ARID4B: variants seen among roughly 807,000 people sequenced by gnomAD.
The protein encoded by ARID4B is AT-rich interactive domain-containing protein 4B.
ARID4B carries 26 observed loss-of-function variants against 147.5 expected under a neutral mutation model. That is an observed-to-expected ratio of 0.18 (90% CI 0.13 to 0.24). The LOEUF is 0.24. Ranked by LOEUF, ARID4B falls within the 10% of genes least tolerant of loss-of-function variation. The pLI, the probability that ARID4B is intolerant of heterozygous loss-of-function variation, is 1.00. For synonymous variants in ARID4B, 512 were observed against 507.9 expected (o/e 1.01, Z -0.11); for missense variants, 1,179 against 1,511.5 (o/e 0.78, Z 3.65).
chr1:235,184,751 C>T (rs1050878154), intron 19 of ARID4B, among the ~76,000 whole-genome samples: 2 of 152,158 alleles, frequency 1.3e-5, no homozygotes, highest in African/African-American at 4.8e-5. Context: ...TGTTTTTCCA[C>T]CTCCAAAGTG....
At chr1:235,210,547 CTGAT>C (rs71902558) in intron 17 of ARID4B, among the ~76,000 whole-genome samples, 19,893 of 152,012 alleles carry the variant, frequency 0.13, 1,484 homozygotes, top group African/African-American at 0.2. Flanking sequence ...ATAAGACAGA[CTGAT>C]TATTGCAGAA....
chr1:235,260,754 T>C lies in ARID4B; in HGVS notation c.7-2A>G. 1 of 1,584,710 alleles carries C rather than the reference T, an allele frequency of 6.3e-7. No individual in the cohort carries two copies. The highest frequency in any genetic ancestry group is 8.6e-7 in the Non-Finnish European group (1 of 1,160,202). ...CAAATAGGGAGGCTCATCAAGGGCC[T>C]AAAAATGCAAAGAAATATAATTAGA... On this transcript the variant is annotated splice_acceptor_variant, in intron 2 of 23. Transcript: ENST00000264183. LOFTEE classifies it high-confidence loss of function.
At chr1:235,290,543 T>A (rs951710764) in intron 2 of ARID4B, among the ~76,000 whole-genome samples, 1 of 151,990 alleles carries the variant, frequency 6.6e-6, no homozygotes, top group Non-Finnish European at 1.5e-5. Flanking sequence ...AGTTACCTCA[T>A]CTCAGACCTG....
rs1672547065 is a variant in ARID4B at position 235,294,424 on chromosome 1, CG to C, written c.6+32489del. 4.0e-5 allele frequency among the ~76,000 whole-genome samples: 5 copies of C among 124,518 alleles called. No individual in the cohort carries two copies. In the East Asian group the frequency reaches 9.7e-4, roughly 24 times the overall value. The allele number at this position is 124,518 out of a possible 152,430, so 81.7% of individuals were successfully genotyped here. ...GCCTCCCGGGTTCAAGCAATTCTCC[CG>C]CTTGAACCCAGGGGTTCAAGCAATT... On this transcript the variant is annotated intron_variant, in intron 2 of 23. Coordinates refer to ENST00000264183, the MANE Select transcript of ARID4B (RefSeq NM_016374.6).
intron 2 of ARID4B, among the ~76,000 whole-genome samples, chr1:235,292,014 T>A (rs1163233875): frequency 6.6e-6 from 1 of 152,254 alleles, no homozygotes; most frequent in East Asian, 1.9e-4. Flanking sequence ...GGGTTTTTAC[T>A]ATATTCTTTT....
chr1:235,177,608 A>T, intron 21 of ARID4B, 192 bp downstream of exon 21: 1 of 484,872 alleles, frequency 2.1e-6, no homozygotes, highest in Non-Finnish European at 3.6e-6. Context: ...TATTTGTCCT[A>T]GTGCATGTTT....
chr1:235,269,088 T>C (rs1380589120), intron 2 of ARID4B, among the ~76,000 whole-genome samples: 1 of 152,212 alleles, frequency 6.6e-6, no homozygotes, highest in Admixed American at 6.5e-5. Flanking sequence ...CCACAGTAAA[T>C]TAATTATATC....
At chr1:235,282,257 T>C (rs1420872352) in intron 2 of ARID4B, among the ~76,000 whole-genome samples, 1 of 152,170 alleles carries the variant, frequency 6.6e-6, no homozygotes, top group Non-Finnish European at 1.5e-5. Context: ...GGATTCAAAG[T>C]TTTTACATGG....
At chr1:235,252,950 TAGTG>T (rs1669734731) in intron 5 of ARID4B, 141 bp from the exon 6 acceptor site, 4 of 583,640 alleles carry the variant, frequency 6.9e-6, no homozygotes, top group South Asian at 3.0e-5. Flanking sequence ...TTATGTTTTC[TAGTG>T]AGTAACTTCA....
chr1:235,167,703 CTG>C lies in ARID4B; in HGVS notation c.*820_*821del, dbSNP rs1663054207. ...TTTACAAGAAAACACAAAAATATAA[CTG>C]TTATAATTCATTATGAATAAATATA... is the stretch of plus-strand genomic sequence containing the variant. On this transcript the variant is annotated 3_prime_UTR_variant, in exon 24 of 24. Coordinates refer to ENST00000264183, the MANE Select transcript of ARID4B (RefSeq NM_016374.6). The C allele has an allele frequency of 3.0e-5, 6 of 200,230 alleles. No homozygotes were observed. The highest frequency in any genetic ancestry group is 1.9e-4 in the South Asian group (1 of 5,218). 12.4% of individuals were successfully genotyped at this position (200,230 alleles called of 1,614,324 possible). A position where few individuals can be genotyped will look rare whatever the true frequency, so the allele number is the denominator to read the frequency against.
At chr1:235,207,981 TGAA>T (rs1666435123) in intron 17 of ARID4B, among the ~76,000 whole-genome samples, 1 of 152,238 alleles carries the variant, frequency 6.6e-6, no homozygotes, top group African/African-American at 2.4e-5. Context: ...GTTTTACAAC[TGAA>T]GTTTTACAGT....
intron 2 of ARID4B, among the ~76,000 whole-genome samples, chr1:235,298,258 A>C (rs1436088868): frequency 6.6e-6 from 1 of 152,078 alleles, no homozygotes; most frequent in Admixed American, 6.6e-5. Flanking sequence ...ACATCAGTGA[A>C]CTTTATTTTT....
At chr1:235,277,913 T>C (rs1350585792) in intron 2 of ARID4B, among the ~76,000 whole-genome samples, 2 of 152,166 alleles carry the variant, frequency 1.3e-5, no homozygotes, top group Non-Finnish European at 2.9e-5. Flanking sequence ...CTCTTACTGG[T>C]AGGTCACAGT....
intron 21 of ARID4B, among the ~76,000 whole-genome samples, chr1:235,176,288 T>C (rs1663861669): frequency 6.6e-6 from 1 of 151,624 alleles, no homozygotes; most frequent in Admixed American, 6.6e-5. Flanking sequence ...TGCGCTCTCT[T>C]AGGAAATGTC....
intron 2 of ARID4B, among the ~76,000 whole-genome samples, chr1:235,318,574 G>A (rs368706982): frequency 1.3e-5 from 2 of 152,080 alleles, no homozygotes; most frequent in African/African-American, 2.4e-5. Flanking sequence ...CCCAGAATAC[G>A]CAAATCCTTA....
rs771279053 is a variant in ARID4B, at chr1:235,223,224, C to T, written c.1007G>A (p.Arg336Gln). Residue 336 changes from arginine (R) to glutamine (Q), a missense_variant, in exon 13 of 24, where the codon CGA becomes CAA. Coordinates refer to ENST00000264183, the MANE Select transcript of ARID4B (RefSeq NM_016374.6). ...GAATAACTTAAAGAGATTCAAATTT[C>T]GATATCCAAGTACAGGTCGTTTGTT... ...PINKRPVLGY[R>Q]NLNLFKLFRL... is the part of the protein sequence containing the mutation. 1.3e-6 allele frequency: 2 copies of T among 1,594,362 alleles called. No individual in the cohort carries two copies. The highest frequency in any genetic ancestry group is 1.7e-6 in the Non-Finnish European group (2 of 1,170,836).
intron 6 of ARID4B, among the ~76,000 whole-genome samples, chr1:235,248,705 A>G (rs1430319967): frequency 6.6e-6 from 1 of 152,250 alleles, no homozygotes; most frequent in Non-Finnish European, 1.5e-5. Flanking sequence ...TAATTTTCAA[A>G]TAAGAGACCA....
intron 2 of ARID4B, among the ~76,000 whole-genome samples, chr1:235,273,986 C>A (rs150167409): frequency 1.3e-5 from 2 of 152,296 alleles, no homozygotes; most frequent in African/African-American, 4.8e-5. Context: ...TAATACTACT[C>A]ACTATGAACG....
At position 235,326,940 on chromosome 1, in the gene ARID4B, A is replaced by G. The variant is rs781395453; in HGVS notation, c.-21T>C. 3.1e-6 allele frequency: 5 copies of G among 1,613,724 alleles called. No individual in the cohort carries two copies. The highest frequency in any genetic ancestry group is 2.2e-5 in the East Asian group (1 of 44,880). On this transcript the variant is annotated 5_prime_UTR_variant, in exon 2 of 24. Transcript: ENST00000264183. ...TTCATGATGACTCTGGGACCAAGGT[A>G]TCCTCTAAAACACCAGGTTCAGCTG... is the stretch of plus-strand genomic sequence containing the variant.
Sources: allele counts gnomAD v4.1 joint callset (sites outside exome capture counted in the v4.1 genomes callset), GRCh38; gene constraint gnomAD v4.1.1; transcripts MANE v1.5; gene names NCBI Gene and HGNC (gene_info 2026-07-23, HGNC 2026-07-21).